Variants in TGFB2 observed in about 807,000 individuals in gnomAD.
TGFB2 encodes the protein transforming growth factor beta 2.
Under a neutral mutation model 42.7 loss-of-function variants are expected in TGFB2, and 13 were observed. That is an observed-to-expected ratio of 0.30 (90% CI 0.20 to 0.48). TGFB2 has a LOEUF of 0.48. TGFB2 is among the 20% of genes least tolerant of loss of function. The pLI is 0.99. For missense variants in TGFB2, 390 were observed against 517.5 expected (o/e 0.75, Z 2.39); for synonymous variants, 193 against 193.6 (o/e 1.00, Z 0.03).
At chr1:218,420,156 T>TTG (rs1164555119) in intron 2 of TGFB2, among the ~76,000 whole-genome samples, 1 of 152,198 alleles carries the variant, frequency 6.6e-6, no homozygotes, top group Non-Finnish European at 1.5e-5. Flanking sequence ...GCTTGAGGTC[T>TTG]TGTGGACAGT....
chr1:218,368,432 C>T (rs560887643), intron 1 of TGFB2, among the ~76,000 whole-genome samples: 2 of 152,170 alleles, frequency 1.3e-5, no homozygotes, highest in Non-Finnish European at 1.5e-5. Context: ...CCACCGTGCC[C>T]GGCCTATTCA....
chr1:218,380,050 C>T (rs1657908000), intron 1 of TGFB2, among the ~76,000 whole-genome samples: 1 of 152,174 alleles, frequency 6.6e-6, no homozygotes, highest in African/African-American at 2.4e-5. Context: ...GGTATTATTA[C>T]TCTCTTTGTT....
Position 218,394,209 on chromosome 1 carries a change from G to A in TGFB2, c.347-10960G>A, listed in dbSNP as rs6671985. On this transcript the variant is annotated intron_variant, in intron 1 of 6. Transcript: ENST00000366930. ...TAGGCGTAAGCCACCGCACCCGGCC[G>A]GCATTGGCCTCTTAACATCAACAGT... is the stretch of plus-strand genomic sequence containing the variant. Among the ~76,000 whole-genome samples, 1,214 of 152,168 alleles carry A rather than the reference G, an allele frequency of 8.0e-3. 19 individuals are homozygous for A. The highest frequency in any genetic ancestry group is 0.027 in the African/African-American group (1,141 of 41,538).
At chr1:218,381,797 G>A (rs1034991872) in intron 1 of TGFB2, among the ~76,000 whole-genome samples, 2 of 152,180 alleles carry the variant, frequency 1.3e-5, no homozygotes, top group Non-Finnish European at 1.5e-5. Context: ...AACAGAGGTA[G>A]TAGATGAGAT....
chr1:218,398,732 C>T (rs1443973786), intron 1 of TGFB2, among the ~76,000 whole-genome samples: 1 of 151,854 alleles, frequency 6.6e-6, no homozygotes, highest in Non-Finnish European at 1.5e-5. Context: ...GGGCTATAGA[C>T]GCCTGCCACC....
At chr1:218,412,548 C>G (rs1030307980) in intron 2 of TGFB2, among the ~76,000 whole-genome samples, 1 of 152,110 alleles carries the variant, frequency 6.6e-6, no homozygotes, top group Non-Finnish European at 1.5e-5. Context: ...TACGTCTGTC[C>G]TCCCCGTTTA....
At chr1:218,383,994 T>C (rs1658049713) in intron 1 of TGFB2, among the ~76,000 whole-genome samples, 1 of 152,250 alleles carries the variant, frequency 6.6e-6, no homozygotes, top group Non-Finnish European at 1.5e-5. Context: ...TTTATGACGA[T>C]TTTGTGGTTG....
chr1:218,404,439 A>T (rs1027713367), intron 1 of TGFB2, among the ~76,000 whole-genome samples: 1 of 152,160 alleles, frequency 6.6e-6, no homozygotes. Flanking sequence ...TTAAAATGTC[A>T]TGTACCATCA....
chr1:218,366,101 T>C (rs2102548762), intron 1 of TGFB2, among the ~76,000 whole-genome samples: 1 of 152,262 alleles, frequency 6.6e-6, no homozygotes, highest in East Asian at 1.9e-4. Context: ...TTATCCCCAA[T>C]AATATTGGTT....
At chr1:218,436,336 AC>A (rs1238602145) in intron 5 of TGFB2, among the ~76,000 whole-genome samples, 189 bp downstream of exon 5, 1 of 152,214 alleles carries the variant, frequency 6.6e-6, no homozygotes, top group African/African-American at 2.4e-5. Context: ...TTAGCAGTGA[AC>A]CAAGTGTGAA....
intron 1 of TGFB2, 56 bp downstream of exon 1, chr1:218,347,103 A>C (rs1656712429): frequency 3.4e-6 from 5 of 1,488,492 alleles, no homozygotes; most frequent in African/African-American, 1.4e-5. Flanking sequence ...CGGAGCTCTC[A>C]AAACCGCAGC....
chr1:218,377,071 A>AG, intron 1 of TGFB2, among the ~76,000 whole-genome samples: 1 of 148,570 alleles, frequency 6.7e-6, no homozygotes, highest in East Asian at 2.3e-4. Context: ...TTTAAAAAAA[A>AG]AAATTTTTAT....
chr1:218,406,151 C>T (rs1658903361), intron 2 of TGFB2, among the ~76,000 whole-genome samples: 1 of 151,560 alleles, frequency 6.6e-6, no homozygotes, highest in South Asian at 2.1e-4. Context: ...GTTTCCTTTT[C>T]CTTTCTAATT....
chr1:218,404,060 A>G (rs954236999), intron 1 of TGFB2, among the ~76,000 whole-genome samples: 2 of 151,484 alleles, frequency 1.3e-5, no homozygotes, highest in African/African-American at 4.8e-5. Context: ...ACAAAAAAAA[A>G]AAAAAAAAAA....
intron 1 of TGFB2, among the ~76,000 whole-genome samples, 179 bp from the exon 2 acceptor site, chr1:218,404,990 G>T (rs1413605810): frequency 6.6e-6 from 1 of 152,168 alleles, no homozygotes; most frequent in Non-Finnish European, 1.5e-5. Context: ...GTAACTAAAT[G>T]CACATGTTTA....
rs5781035 is a variant in TGFB2 at position 218,439,107 on chromosome 1, C to CA, written c.1086+1631dup. On this transcript the variant is annotated intron_variant, in intron 6 of 6. Coordinates refer to ENST00000366930, the MANE Select transcript of TGFB2 (RefSeq NM_003238.6). Reference sequence around the variant, plus strand: ...TGGGTGGCAGAGTGAGATCCTGTCTCAAAAAAAAAAAAAAAAAAAAGAAAT... The same window carrying CA: ...TGGGTGGCAGAGTGAGATCCTGTCTCAAAAAAAAAAAAAAAAAAAAAGAAAT... 7.4e-3 allele frequency among the ~76,000 whole-genome samples: 770 copies of CA among 103,758 alleles called. 5 individuals carry two copies. The highest frequency in any genetic ancestry group is 0.011 in the Non-Finnish European group (525 of 49,396). The allele number at this position is 103,758 out of a possible 152,430, so 68.1% of individuals were successfully genotyped here.
chr1:218,352,259 G>A (rs567099089), intron 1 of TGFB2, among the ~76,000 whole-genome samples: 1 of 151,900 alleles, frequency 6.6e-6, no homozygotes, highest in Non-Finnish European at 1.5e-5. Context: ...ATGGGCTCCC[G>A]GAGAGAGGAT....
At chr1:218,377,855 C>T (rs1193759473) in intron 1 of TGFB2, among the ~76,000 whole-genome samples, 1 of 152,184 alleles carries the variant, frequency 6.6e-6, no homozygotes, top group Non-Finnish European at 1.5e-5. Flanking sequence ...ACTAATATAA[C>T]CCCAGCATCC....
chr1:218,359,527 A>G (rs1163635231), intron 1 of TGFB2, among the ~76,000 whole-genome samples: 2 of 152,220 alleles, frequency 1.3e-5, no homozygotes, highest in Admixed American at 6.5e-5. Context: ...ATCACCATCA[A>G]TAATGAAACT....
Sources: gnomAD v4.1 joint callset for allele counts (sites outside exome capture counted in the v4.1 genomes callset) on GRCh38, gnomAD v4.1.1 for gene constraint, MANE v1.5 for transcripts, NCBI Gene and HGNC (gene_info 2026-07-23, HGNC 2026-07-21) for gene names.